The following PLXNC1 variants were observed in gnomAD, a reference collection of about 807,000 sequenced individuals.
PLXNC1 encodes plexin-C1.
A neutral mutation model predicts 178.2 loss-of-function variants in PLXNC1; 75 were observed. That is an observed-to-expected ratio of 0.42 (90% CI 0.35 to 0.51). The LOEUF is 0.51. Among genes scored for constraint, PLXNC1 ranks in the 20% least tolerant of loss-of-function variants. The pLI is 0.02. For missense variants in PLXNC1, 1,503 were observed against 1,984.4 expected (o/e 0.76, Z 4.61); for synonymous variants, 790 against 779.9 (o/e 1.01, Z -0.22).
intron 11 of PLXNC1, 53 bp downstream of exon 11, chr12:94,240,717 C>A: frequency 2.3e-6 from 3 of 1,296,222 alleles, no homozygotes; most frequent in South Asian, 1.3e-5. Flanking sequence ...GTCATATGCC[C>A]AAAGATCATT....
intron 28 of PLXNC1, among the ~76,000 whole-genome samples, chr12:94,301,632 A>T (rs367909814): frequency 6.6e-6 from 1 of 152,192 alleles, no homozygotes; most frequent in Non-Finnish European, 1.5e-5. Context: ...GCTCCAAAAT[A>T]TACTAAACTG....
intron 6 of PLXNC1, 151 bp downstream of exon 6, chr12:94,220,314 C>T (rs1172214452): frequency 2.2e-5 from 15 of 682,086 alleles, no homozygotes; most frequent in East Asian, 1.6e-4. Flanking sequence ...TCTGGGTCCT[C>T]CTCACCTCTG....
rs1321962509 is a variant in PLXNC1 at position 94,297,430 on chromosome 12, T to G, written c.4074+7T>G. The G allele has an allele frequency of 6.2e-7, 1 of 1,600,424 alleles. No individual in the cohort carries two copies. The highest frequency in any genetic ancestry group is 8.6e-7 in the Non-Finnish European group (1 of 1,168,620). On this transcript the variant is annotated splice_region_variant and intron_variant, in intron 26 of 30. Coordinates refer to ENST00000258526, the MANE Select transcript of PLXNC1 (RefSeq NM_005761.3). Reference sequence around the variant, plus strand: ...AAAGCTGCTGTCGACCAAGGTACACTTACTGTTCTGGGAGCACTTTATGGC... The same window carrying G: ...AAAGCTGCTGTCGACCAAGGTACACGTACTGTTCTGGGAGCACTTTATGGC...
chr12:94,253,081 C>T (rs190467726), intron 15 of PLXNC1, among the ~76,000 whole-genome samples: 3 of 151,872 alleles, frequency 2.0e-5, no homozygotes, highest in Admixed American at 1.3e-4. Flanking sequence ...TGTGGTGGCA[C>T]GTGCCTGTAA....
At chr12:94,257,544 C>T (rs184839011) in intron 17 of PLXNC1, among the ~76,000 whole-genome samples, 1 of 152,074 alleles carries the variant, frequency 6.6e-6, no homozygotes, top group East Asian at 1.9e-4. Flanking sequence ...GAGGCCGAGG[C>T]GGGTGGATCA....
At chr12:94,259,860 C>A in intron 19 of PLXNC1, 126 bp downstream of exon 19, 6 of 530,656 alleles carry the variant, frequency 1.1e-5, no homozygotes, top group Non-Finnish European at 1.8e-5. Context: ...GCCAGGAGTT[C>A]AAGACCAGCC....
chr12:94,226,759 C>A, intron 8 of PLXNC1, 52 bp downstream of exon 8: 1 of 1,285,046 alleles, frequency 7.8e-7, no homozygotes, highest in Non-Finnish European at 1.1e-6. Context: ...CATGGTGGCT[C>A]ACGCCTGCAA....
rs751016358 is a variant in PLXNC1, at chr12:94,169,191, A to T, written c.1101A>T (p.Ala367=). The T allele has an allele frequency of 1.9e-6, 3 of 1,613,860 alleles. No individual in the cohort carries two copies. The African/African-American group carries it at 4.0e-5, about 22-fold the overall frequency. Residue 367 remains alanine, a synonymous_variant, in exon 2 of 31, where the codon GCA becomes GCT. Transcript: ENST00000258526. ...GDQPERVQPI[A]SSTLIHSDLT... ...AACCTGAAAGAGTCCAACCAATCGCATCATCTACCTTGATCCATTCCGACC... is the reference window on the plus strand; with the variant it reads ...AACCTGAAAGAGTCCAACCAATCGCTTCATCTACCTTGATCCATTCCGACC...
In PLXNC1 at chr12:94,265,157, A is replaced by C; in HGVS notation, c.3529A>C (p.Thr1177Pro). The change falls in exon 21 of 31, where the codon ACT becomes CCT. Residue 1177 changes from threonine (T) to proline (P), a missense_variant. Physicochemically the swap from Thr to Pro is conservative, Grantham distance 38. Transcript: ENST00000258526. The part of the protein sequence containing the change: ...KINKGPVDVI[T>P]CKALYTLNED... ...TAACAAGGGTCCCGTGGATGTAATC[A>C]CTTGCAAAGCCCTGTACACACTTAA... 6.2e-7 allele frequency: 1 copy of C among 1,614,160 alleles called. No individual in the cohort carries two copies. The highest frequency in any genetic ancestry group is 8.5e-7 in the Non-Finnish European group (1 of 1,179,982).
At chr12:94,172,475 T>G (rs1371121001) in intron 2 of PLXNC1, among the ~76,000 whole-genome samples, 1 of 152,220 alleles carries the variant, frequency 6.6e-6, no homozygotes, top group Non-Finnish European at 1.5e-5. Flanking sequence ...TAAATAATTT[T>G]TCCTTATTGT....
chr12:94,225,779 G>T (rs1202633803), intron 7 of PLXNC1, among the ~76,000 whole-genome samples: 1 of 152,188 alleles, frequency 6.6e-6, no homozygotes, highest in Non-Finnish European at 1.5e-5. Flanking sequence ...GGGGGTAGAA[G>T]AAGCGAGCAA....
At chr12:94,176,435 T>C (rs1412082963) in intron 2 of PLXNC1, 1 of 152,168 alleles carries the variant, frequency 6.6e-6, no homozygotes. Context: ...GAAGCAGAAA[T>C]CCCTCACCCC....
intron 15 of PLXNC1, chr12:94,254,438 C>T: frequency 2.1e-6 from 1 of 468,066 alleles, no homozygotes; most frequent in Admixed American, 2.4e-5. Context: ...CAAGTGGCTG[C>T]AGCTGTGGGG....
Position 94,248,289 on chromosome 12 carries a change from A to C in PLXNC1, c.2655A>C (p.Glu885Asp). 6.2e-7 allele frequency: 1 copy of C among 1,613,482 alleles called. No individual in the cohort carries two copies. The highest frequency in any genetic ancestry group is 8.5e-7 in the Non-Finnish European group (1 of 1,179,584). ...KDIEITLFHG[E>D]NGQLNCSFEN... ...TTGAAATTACTCTCTTCCATGGGGAAAATGGGCAATTAAATTGCAGTTTTG... is the reference window on the plus strand; with the variant it reads ...TTGAAATTACTCTCTTCCATGGGGACAATGGGCAATTAAATTGCAGTTTTG... The change falls in exon 14 of 31, where the codon GAA becomes GAC. Residue 885 changes from glutamate to aspartate, a missense_variant. This residue lies in a region of PLXNC1 where 639 missense variants were observed against 979.7 expected (regional missense o/e 0.65). Transcript: ENST00000258526.
At chr12:94,215,645 T>C (rs546042969) in intron 5 of PLXNC1, among the ~76,000 whole-genome samples, 4 of 152,158 alleles carry the variant, frequency 2.6e-5, no homozygotes, top group Middle Eastern at 3.4e-3. Flanking sequence ...TATAGATTCA[T>C]AGAATATAGT....
intron 23 of PLXNC1, among the ~76,000 whole-genome samples, chr12:94,292,057 C>G (rs1194580713): frequency 2.0e-5 from 3 of 152,198 alleles, no homozygotes; most frequent in Admixed American, 1.3e-4. Context: ...ATCGGTAATT[C>G]TTTCCTTTTA....
chr12:94,159,396 TTC>T (rs998626480), intron 1 of PLXNC1, among the ~76,000 whole-genome samples: 13 of 152,186 alleles, frequency 8.5e-5, no homozygotes, highest in African/African-American at 3.1e-4. Context: ...TTGGGGTAAG[TTC>T]TCTTTAAGGA....
intron 4 of PLXNC1, among the ~76,000 whole-genome samples, chr12:94,196,310 G>C (rs1320228074): frequency 6.6e-6 from 1 of 152,074 alleles, no homozygotes; most frequent in African/African-American, 2.4e-5. Flanking sequence ...TGAATGGCTT[G>C]GTGCTGTCCT....
At position 94,292,309 on chromosome 12, in the gene PLXNC1, G is replaced by C. The variant is rs144940976; in HGVS notation, c.3880-2177G>C. On this transcript the variant is annotated intron_variant, in intron 23 of 30. Transcript: ENST00000258526. Reference sequence around the variant, plus strand: ...ATGAAGATGGGGTGGTCATTGTCTCGGAAGGGACAATGGGAGCACTTTTCA... The same window carrying C: ...ATGAAGATGGGGTGGTCATTGTCTCCGAAGGGACAATGGGAGCACTTTTCA... Among the ~76,000 whole-genome samples the C allele has an allele frequency of 7.9e-4, 120 of 152,206 alleles. 1 individual carries two copies. The East Asian group carries it at 0.022, about 28-fold the overall frequency.
Sources: allele counts gnomAD v4.1 joint callset (sites outside exome capture counted in the v4.1 genomes callset), GRCh38; gene constraint gnomAD v4.1.1; regional missense constraint gnomAD v4.1.1; transcripts MANE v1.5; gene names NCBI Gene and HGNC (gene_info 2026-07-23, HGNC 2026-07-21).